The following GALNT13 variants were observed in gnomAD, a reference collection of about 807,000 sequenced individuals.
GALNT13 encodes the protein UDP-GalNAc:polypeptide N-acetylgalactosaminyltransferase 13.
Under a neutral mutation model 64.2 loss-of-function variants are expected in GALNT13, and 28 were observed. The ratio of observed to expected loss-of-function variants is 0.44; its 90% CI spans 0.32 to 0.60. GALNT13 has a LOEUF of 0.60. GALNT13 is among the 20% of genes least tolerant of loss of function. The pLI, the probability that GALNT13 is intolerant of heterozygous loss-of-function variation, is 0.05. For synonymous variants in GALNT13, 214 were observed against 224.6 expected (o/e 0.95, Z 0.42); for missense variants, 577 against 669.8 (o/e 0.86, Z 1.53).
chr2:154,443,197 G>A (rs1701391316), intron 12 of GALNT13, among the ~76,000 whole-genome samples: 2 of 151,946 alleles, frequency 1.3e-5, no homozygotes, highest in Admixed American at 6.6e-5. Context: ...TATTCCTATT[G>A]ACCCATAGCT....
chr2:154,377,672 T>C (rs540440990), intron 9 of GALNT13, among the ~76,000 whole-genome samples: 22 of 150,004 alleles, frequency 1.5e-4, no homozygotes, highest in Middle Eastern at 6.9e-3. Context: ...CATTCATTCA[T>C]CATTTATTAT....
intron 8 of GALNT13, among the ~76,000 whole-genome samples, chr2:154,268,351 T>G (rs1573987379): frequency 1.3e-5 from 2 of 152,158 alleles, no homozygotes; most frequent in South Asian, 2.1e-4. Flanking sequence ...TGTATAAAAT[T>G]TTAGTAAATG....
the GALNT13 span, among the ~76,000 whole-genome samples, chr2:153,851,541 GAAA>G: frequency 7.2e-6 from 1 of 138,222 alleles, no homozygotes; most frequent in Non-Finnish European, 1.6e-5. Flanking sequence ...GTGTTTCCAA[GAAA>G]AAAAAAAAAA....
the GALNT13 span, among the ~76,000 whole-genome samples, chr2:153,581,541 G>A: frequency 4.6e-5 from 7 of 151,964 alleles, no homozygotes; most frequent in Non-Finnish European, 1.0e-4. Context: ...TCTTCTATGT[G>A]TGTGTATATA....
At chr2:153,195,579 A>C in the GALNT13 span, among the ~76,000 whole-genome samples, 1 of 152,180 alleles carries the variant, frequency 6.6e-6, no homozygotes, top group Non-Finnish European at 1.5e-5. Context: ...AGACACCGGG[A>C]ACTGCAGGGC....
intron 4 of GALNT13, among the ~76,000 whole-genome samples, chr2:154,207,437 G>A (rs1362815542): frequency 6.6e-6 from 1 of 152,044 alleles, no homozygotes; most frequent in African/African-American, 2.4e-5. Context: ...GTTCTGTAAG[G>A]CAGAGATCTT....
At chr2:153,819,116 C>G in the GALNT13 span, among the ~76,000 whole-genome samples, 1 of 152,154 alleles carries the variant, frequency 6.6e-6, no homozygotes, top group Non-Finnish European at 1.5e-5. Context: ...CTCAGGCCGA[C>G]TCAACCATCC....
the GALNT13 span, among the ~76,000 whole-genome samples, chr2:153,112,708 A>T: frequency 6.6e-6 from 1 of 152,108 alleles, no homozygotes; most frequent in African/African-American, 2.4e-5. Context: ...TTAGAAGAAC[A>T]CATTTTAACA....
At chr2:154,224,346 A>G (rs1402067643) in intron 4 of GALNT13, among the ~76,000 whole-genome samples, 1 of 152,108 alleles carries the variant, frequency 6.6e-6, no homozygotes, top group Non-Finnish European at 1.5e-5. Context: ...TGAAACAGAA[A>G]TCAAACTCTA....
intron 1 of GALNT13, among the ~76,000 whole-genome samples, chr2:153,893,800 A>C (rs1251132138): frequency 6.6e-6 from 1 of 152,062 alleles, no homozygotes; most frequent in Non-Finnish European, 1.5e-5. Context: ...TAGCATTATA[A>C]ATGACACGGA....
At chr2:153,560,581 T>A in the GALNT13 span, among the ~76,000 whole-genome samples, 1 of 152,124 alleles carries the variant, frequency 6.6e-6, no homozygotes, top group Non-Finnish European at 1.5e-5. Flanking sequence ...TATAATTTAT[T>A]AAAGATTTAT....
At chr2:154,060,523 T>A (rs2105365945) in intron 3 of GALNT13, among the ~76,000 whole-genome samples, 1 of 152,178 alleles carries the variant, frequency 6.6e-6, no homozygotes, top group African/African-American at 2.4e-5. Flanking sequence ...GCCTGGCTAA[T>A]TTTTGTGTTT....
At chr2:154,035,143 G>C (rs561716354) in intron 3 of GALNT13, among the ~76,000 whole-genome samples, 1 of 152,046 alleles carries the variant, frequency 6.6e-6, no homozygotes, top group Non-Finnish European at 1.5e-5. Flanking sequence ...ATGAATGATT[G>C]GATAAAGTAA....
intron 12 of GALNT13, among the ~76,000 whole-genome samples, chr2:154,446,117 TA>T (rs1701559421): frequency 6.6e-6 from 1 of 152,000 alleles, no homozygotes. Flanking sequence ...AGTAAAGCCT[TA>T]AAGCTAAATT....
the GALNT13 span, among the ~76,000 whole-genome samples, chr2:153,222,047 AG>A: frequency 6.6e-6 from 1 of 151,986 alleles, no homozygotes; most frequent in Non-Finnish European, 1.5e-5. Flanking sequence ...TTTGTGTTAC[AG>A]CTCTTTCAGT....
chr2:153,935,969 G>T (rs1410745573), intron 2 of GALNT13, among the ~76,000 whole-genome samples: 2 of 152,098 alleles, frequency 1.3e-5, no homozygotes, highest in Non-Finnish European at 2.9e-5. Context: ...CCAGAGCTTT[G>T]ATATGAAAGT....
At chr2:153,792,668 G>A in the GALNT13 span, among the ~76,000 whole-genome samples, 1 of 152,028 alleles carries the variant, frequency 6.6e-6, no homozygotes, top group African/African-American at 2.4e-5. Context: ...ACTTGTATGG[G>A]TATACTCTAA....
chr2:154,029,677 A>C (rs1303387972), intron 3 of GALNT13, among the ~76,000 whole-genome samples: 1 of 152,202 alleles, frequency 6.6e-6, no homozygotes. Context: ...TACAATGGCA[A>C]GAAAAAAATG....
chr2:154,072,032 A>G (rs778364682), intron 3 of GALNT13, among the ~76,000 whole-genome samples: 12 of 152,144 alleles, frequency 7.9e-5, no homozygotes, highest in Non-Finnish European at 4.4e-5. Context: ...GAATATCCAG[A>G]AAAAGGAAGA....
Sources: allele counts gnomAD v4.1 joint callset (sites outside exome capture counted in the v4.1 genomes callset), GRCh38; gene constraint gnomAD v4.1.1; transcripts MANE v1.5; gene names NCBI Gene and HGNC (gene_info 2026-07-23, HGNC 2026-07-21).